BRINP1: variants seen among roughly 807,000 people sequenced by gnomAD.
The protein encoded by BRINP1 is BMP/retinoic acid-inducible neural-specific protein 1.
In BRINP1, 17 loss-of-function variants were observed where a neutral mutation model predicts 72.9. That is an observed-to-expected ratio of 0.23 (90% CI 0.16 to 0.35). The LOEUF (loss-of-function observed/expected upper bound fraction) is 0.35. Among genes scored for constraint, BRINP1 ranks in the 10% least tolerant of loss-of-function variants. BRINP1 has a pLI of 1.00. For synonymous variants in BRINP1, 418 were observed against 378.5 expected (o/e 1.10, Z -1.21); for missense variants, 850 against 1,001.6 (o/e 0.85, Z 2.04).
rs564900940 is a variant in BRINP1, at chr9:119,295,523, A to C, written c.218+17615T>G. 7.9e-4 allele frequency among the ~76,000 whole-genome samples: 121 copies of C among 152,340 alleles called. 1 individual carries two copies. Among genetic ancestry groups the C allele is most frequent in the African/African-American group, 2.8e-3 (117 of 41,572 alleles). On this transcript the variant is annotated intron_variant, in intron 2 of 7. Coordinates refer to ENST00000265922, the MANE Select transcript of BRINP1 (RefSeq NM_014618.3). ...TACAATGGTAAATATTCATGTATCAAATATATCTGAACATAGAAAAGGCAC... is the reference window on the plus strand; with the variant it reads ...TACAATGGTAAATATTCATGTATCACATATATCTGAACATAGAAAAGGCAC...
chr9:119,309,877 G>C (rs2118991637), intron 2 of BRINP1, among the ~76,000 whole-genome samples: 1 of 152,194 alleles, frequency 6.6e-6, no homozygotes, highest in South Asian at 2.1e-4. Context: ...CTCTATGTTA[G>C]CGAACAGTAG....
intron 2 of BRINP1, chr9:119,283,253 GCATCAC>G: frequency 3.7e-5 from 32 of 871,392 alleles, no homozygotes; most frequent in Non-Finnish European, 4.3e-5. Flanking sequence ...AGCTGCCTCA[GCATCAC>G]CTGGCAGCTT....
chr9:119,175,248 T>G (rs966970963), intron 7 of BRINP1, among the ~76,000 whole-genome samples: 32 of 150,516 alleles, frequency 2.1e-4, no homozygotes, highest in Non-Finnish European at 3.5e-4. Context: ...ACCATCACAC[T>G]CAGCAAACTA....
At chr9:119,237,346 C>CATTATTATTAGTATTATT (rs1830201505) in intron 5 of BRINP1, among the ~76,000 whole-genome samples, 3 of 145,044 alleles carry the variant, frequency 2.1e-5, no homozygotes, top group African/African-American at 7.8e-5. Flanking sequence ...TTTCTTGCTA[C>CATTATTATTAGTATTATT]ATTATTATTA....
chr9:119,306,253 A>G (rs1830997171), intron 2 of BRINP1, among the ~76,000 whole-genome samples: 1 of 152,240 alleles, frequency 6.6e-6, no homozygotes, highest in Non-Finnish European at 1.5e-5. Context: ...CCAATTTGGT[A>G]GCAATAAAGC....
At chr9:119,189,289 G>A (rs907697044) in intron 7 of BRINP1, among the ~76,000 whole-genome samples, 4 of 151,972 alleles carry the variant, frequency 2.6e-5, no homozygotes, top group African/African-American at 9.7e-5. Context: ...AAACCACCAG[G>A]AAACAATTAC....
At chr9:119,189,993 G>A (rs760774116) in intron 7 of BRINP1, among the ~76,000 whole-genome samples, 4 of 151,874 alleles carry the variant, frequency 2.6e-5, no homozygotes, top group Non-Finnish European at 4.4e-5. Context: ...ACAATGGTAT[G>A]AAACTAGAAA....
rs541175682 is a variant in BRINP1 at position 119,368,227 on chromosome 9, C to T, written c.-51+829G>A. Reference sequence around the variant, plus strand: ...AAATCCCTATCCCAGACTTTCCAAGCCCCAGATAAGGAGCCCACCGCTGAC... The same window carrying T: ...AAATCCCTATCCCAGACTTTCCAAGTCCCAGATAAGGAGCCCACCGCTGAC... On this transcript the variant is annotated intron_variant, in intron 1 of 7. Transcript: ENST00000265922. This position sits in a 1 kb window ranked among gnomAD's most constrained non-coding sequence, Gnocchi z 4.7. Among the ~76,000 whole-genome samples the T allele has an allele frequency of 6.6e-6, 1 of 152,122 alleles. No homozygotes were observed. The highest frequency in any genetic ancestry group is 1.5e-5 in the Non-Finnish European group (1 of 68,020).
chr9:119,183,296 A>AT (rs1050307502), intron 7 of BRINP1, among the ~76,000 whole-genome samples: 3 of 152,208 alleles, frequency 2.0e-5, no homozygotes, highest in Non-Finnish European at 4.4e-5. Flanking sequence ...ACAATAAAAT[A>AT]TTTTTGAGAA....
chr9:119,171,276 G>GA (rs1457511606), intron 7 of BRINP1, among the ~76,000 whole-genome samples: 2 of 144,112 alleles, frequency 1.4e-5, no homozygotes, highest in African/African-American at 5.3e-5. Context: ...AAAATAAAAG[G>GA]ATGGAGGAAG....
intron 2 of BRINP1, among the ~76,000 whole-genome samples, chr9:119,298,469 TC>T (rs1015979985): frequency 2.1e-4 from 32 of 152,062 alleles, no homozygotes; most frequent in Non-Finnish European, 3.4e-4. Context: ...GATTGAGATT[TC>T]CCCCACCCCT....
chr9:119,281,917 T>C (rs1262710555), intron 2 of BRINP1, among the ~76,000 whole-genome samples: 1 of 152,220 alleles, frequency 6.6e-6, no homozygotes, highest in Non-Finnish European at 1.5e-5. Context: ...GTATTCAGCT[T>C]GTTTTCATGT....
chr9:119,194,792 G>A (rs893633134), intron 7 of BRINP1, among the ~76,000 whole-genome samples: 1 of 152,092 alleles, frequency 6.6e-6, no homozygotes, highest in Admixed American at 6.6e-5. Flanking sequence ...GAACCCACTG[G>A]TAAGAGCCTG....
chr9:119,220,014 T>C (rs1830023324), intron 5 of BRINP1, among the ~76,000 whole-genome samples: 1 of 152,134 alleles, frequency 6.6e-6, no homozygotes, highest in Admixed American at 6.6e-5. Flanking sequence ...TCGTCTTCTT[T>C]TGTTTGTTTG....
intron 5 of BRINP1, among the ~76,000 whole-genome samples, chr9:119,228,930 T>C (rs1182142037): frequency 6.6e-6 from 1 of 152,118 alleles, no homozygotes; most frequent in Non-Finnish European, 1.5e-5. Context: ...AACTGATGTA[T>C]ATTGAATAAA....
intron 7 of BRINP1, among the ~76,000 whole-genome samples, chr9:119,200,648 A>AC (rs1829795763): frequency 6.6e-6 from 1 of 150,540 alleles, no homozygotes; most frequent in Admixed American, 6.6e-5. Flanking sequence ...AAAAAAAAAA[A>AC]AAGAAAGAAA....
At chr9:119,333,160 G>A (rs1361457126) in intron 1 of BRINP1, among the ~76,000 whole-genome samples, 3 of 151,646 alleles carry the variant, frequency 2.0e-5, no homozygotes, top group Non-Finnish European at 4.4e-5. Context: ...AGCAGTCTCT[G>A]ACTTTAAAGT....
intron 2 of BRINP1, among the ~76,000 whole-genome samples, chr9:119,276,671 T>G (rs1276089822): frequency 1.3e-5 from 2 of 152,198 alleles, no homozygotes; most frequent in African/African-American, 4.8e-5. Context: ...CCCACTATAC[T>G]GGTGCATGTT....
At chr9:119,229,973 T>C (rs546643200) in intron 5 of BRINP1, among the ~76,000 whole-genome samples, 47 of 151,974 alleles carry the variant, frequency 3.1e-4, no homozygotes, top group African/African-American at 1.1e-3. Flanking sequence ...GAGAGTCAGA[T>C]TAATAAAAGG....
Sources: gnomAD v4.1 joint callset for allele counts (sites outside exome capture counted in the v4.1 genomes callset) on GRCh38, gnomAD v4.1.1 for gene constraint, Gnocchi (gnomAD v3.1) non-coding constraint, MANE v1.5 for transcripts, NCBI Gene and HGNC (gene_info 2026-07-23, HGNC 2026-07-21) for gene names.